Variants in ITSN1 observed in about 807,000 individuals in gnomAD.
The protein encoded by ITSN1 is intersectin-1.
Under a neutral mutation model 239.8 loss-of-function variants are expected in ITSN1, and 58 were observed. The ratio of observed to expected loss-of-function variants is 0.24; its 90% confidence interval spans 0.20 to 0.30. ITSN1 has a LOEUF of 0.30. Ranked by LOEUF, ITSN1 falls within the 10% of genes least tolerant of loss-of-function variation. The probability of loss-of-function intolerance (pLI) is 1.00; values close to 1 mark genes in which losing one functional copy is unlikely to be tolerated. For missense variants in ITSN1, 1,558 were observed against 2,103.3 expected (o/e 0.74, Z 5.07); for synonymous variants, 780 against 770.8 (o/e 1.01, Z -0.20).
At chr21:33,762,665 CATTATT>C in intron 9 of ITSN1, among the ~76,000 whole-genome samples, 2 of 151,390 alleles carry the variant, frequency 1.3e-5, no homozygotes, top group Middle Eastern at 3.4e-3. Context: ...TTTTTTCATT[CATTATT>C]ATTATTATTA....
At chr21:33,749,660 AAAAAG>A (rs1393465416) in intron 5 of ITSN1, among the ~76,000 whole-genome samples, 7 of 151,996 alleles carry the variant, frequency 4.6e-5, no homozygotes, top group African/African-American at 7.3e-5. Flanking sequence ...AAAGAAAAGA[AAAAAG>A]AAAAGAAAAT....
At chr21:33,786,736 A>G (rs1328109713) in intron 16 of ITSN1, among the ~76,000 whole-genome samples, 2 of 152,206 alleles carry the variant, frequency 1.3e-5, no homozygotes, top group Non-Finnish European at 2.9e-5. Flanking sequence ...TCATGTTGAA[A>G]AGTTGAGTCC....
At chr21:33,725,135 T>G (rs2065749678) in intron 4 of ITSN1, among the ~76,000 whole-genome samples, 1 of 37,100 alleles carries the variant, frequency 2.7e-5, no homozygotes, top group African/African-American at 2.5e-4. Flanking sequence ...TTTTTTTTGT[T>G]TTTTTTTTTT....
chr21:33,775,077 C>G lies in ITSN1; in HGVS notation c.1565C>G (p.Ala522Gly), dbSNP rs745620946. The G allele has an allele frequency of 6.2e-7, 1 of 1,613,750 alleles. No homozygotes were observed. Among genetic ancestry groups the G allele is most frequent in the South Asian group, 1.1e-5 (1 of 90,918 alleles). ...STNKSRELRIAEITHLQQQLQ... is the reference protein window; with the variant it reads ...STNKSRELRIGEITHLQQQLQ... ...AACAAATCTAGAGAGTTGAGAATTG[C>G]CGAAATCACCCATCTACAGCAACAA... Residue 522 changes from alanine to glycine, a missense_variant, in exon 14 of 40, where the codon GCC (alanine) becomes GGC (glycine). Around this residue, in one of 2 missense-constraint regions of ITSN1, gnomAD observed 982 missense variants for 1,209.9 expected, o/e 0.81. Coordinates refer to ENST00000381318, the MANE Select transcript of ITSN1 (RefSeq NM_003024.3).
rs76075395 is a variant in ITSN1 at position 33,856,223 on chromosome 21, C to T, written c.3662-513C>T. 1.8e-4 allele frequency among the ~76,000 whole-genome samples: 27 copies of T among 152,344 alleles called. No individual in the cohort carries two copies. In the East Asian group the frequency reaches 4.4e-3, roughly 25 times the overall value. On this transcript the variant is annotated intron_variant, in intron 29 of 39. Coordinates refer to ENST00000381318, the MANE Select transcript of ITSN1 (RefSeq NM_003024.3). The stretch of plus-strand genomic sequence containing the variant: ...GAGTGTTTTGTTTTCACATTATTTT[C>T]GTGTTTCTGATGAAGCAGGAGTGTG...
chr21:33,856,505 A>C (rs955178826), intron 29 of ITSN1, among the ~76,000 whole-genome samples: 1 of 152,170 alleles, frequency 6.6e-6, no homozygotes, highest in Non-Finnish European at 1.5e-5. Flanking sequence ...CCTGAGTATG[A>C]CTTTATCTTA....
chr21:33,865,228 T>TGCCGCACATGCA lies in ITSN1; in HGVS notation c.3972_3983dup (p.His1325_Pro1328dup). ...ATTGGAGACATCCTGAGCGCACAGC[T>TGCCGCACATGCA]GCCGCACATGCAGCCCTACATCCGC... On this transcript the variant is annotated inframe_insertion, in exon 32 of 40. Coordinates refer to ENST00000381318, the MANE Select transcript of ITSN1 (RefSeq NM_003024.3). The surrounding 1 kb of genome is among the most constrained non-coding windows in gnomAD (Gnocchi z 4.4). 6.2e-7 allele frequency: 1 copy of TGCCGCACATGCA among 1,613,704 alleles called. No individual in the cohort carries two copies. Among genetic ancestry groups the TGCCGCACATGCA allele is most frequent in the Non-Finnish European group, 8.5e-7 (1 of 1,179,910 alleles).
chr21:33,718,777 T>C lies in ITSN1; in HGVS notation c.-32-20T>C. On this transcript the variant is annotated intron_variant, in intron 1 of 39. Transcript: ENST00000381318. Reference sequence around the variant, plus strand: ...GGAATTAAGTTTTCATAAACTTAAATGTTGCATTTTCACTTACAGGCGTCG... The same window carrying C: ...GGAATTAAGTTTTCATAAACTTAAACGTTGCATTTTCACTTACAGGCGTCG... 1 of 1,528,164 alleles carries C rather than the reference T, an allele frequency of 6.5e-7. No homozygotes were observed. Among genetic ancestry groups the C allele is most frequent in the Non-Finnish European group, 9.1e-7 (1 of 1,103,654 alleles). 94.7% of individuals were successfully genotyped at this position (1,528,164 alleles called of 1,614,324 possible).
At chr21:33,758,927 C>T (rs1220757367) in intron 8 of ITSN1, among the ~76,000 whole-genome samples, 1 of 152,184 alleles carries the variant, frequency 6.6e-6, no homozygotes, top group Non-Finnish European at 1.5e-5. Flanking sequence ...CAAAGCTCAA[C>T]TGTGTGTTGT....
intron 5 of ITSN1, among the ~76,000 whole-genome samples, chr21:33,745,358 T>C (rs1244046638): frequency 6.6e-6 from 1 of 152,084 alleles, no homozygotes; most frequent in Non-Finnish European, 1.5e-5. Flanking sequence ...GGACTGTGGA[T>C]TAAAGGAAAC....
chr21:33,884,897 C>A, intron 36 of ITSN1, 144 bp from the exon 37 acceptor site: 1 of 643,694 alleles, frequency 1.6e-6, no homozygotes, highest in Non-Finnish European at 2.7e-6. Flanking sequence ...CGTCACGTGA[C>A]ATAAAATCAG....
chr21:33,662,457 G>T (rs1601499935), intron 1 of ITSN1, among the ~76,000 whole-genome samples: 1 of 152,160 alleles, frequency 6.6e-6, no homozygotes, highest in Non-Finnish European at 1.5e-5. Context: ...CTAATTAAAT[G>T]AAACATTTGA....
intron 14 of ITSN1, among the ~76,000 whole-genome samples, chr21:33,779,095 G>A (rs574239110): frequency 8.6e-4 from 128 of 149,096 alleles, no homozygotes; most frequent in African/African-American, 2.8e-3. Context: ...TAAAAAATAA[G>A]TTCTTGGCTC....
At chr21:33,796,454 G>T (rs546481370) in intron 17 of ITSN1, among the ~76,000 whole-genome samples, 1 of 152,090 alleles carries the variant, frequency 6.6e-6, no homozygotes, top group Non-Finnish European at 1.5e-5. Context: ...GTAATTTTTT[G>T]ACAATGGAGA....
chr21:33,850,897 G>C (rs1292236555), intron 29 of ITSN1, among the ~76,000 whole-genome samples: 1 of 152,144 alleles, frequency 6.6e-6, no homozygotes, highest in African/African-American at 2.4e-5. Context: ...TGGCAGGAGA[G>C]ACTTGGTCCA....
At chr21:33,847,356 C>T (rs1475336457) in intron 29 of ITSN1, among the ~76,000 whole-genome samples, 1 of 152,244 alleles carries the variant, frequency 6.6e-6, no homozygotes, top group Admixed American at 6.5e-5. Flanking sequence ...AGGACAAGCA[C>T]AACCTCTCAG....
chr21:33,717,750 G>T (rs1164807070), intron 1 of ITSN1, among the ~76,000 whole-genome samples: 3 of 151,896 alleles, frequency 2.0e-5, no homozygotes, highest in African/African-American at 7.3e-5. Flanking sequence ...TGTGTTTCCA[G>T]TAGAGATGGG....
chr21:33,802,456 C>G lies in ITSN1; in HGVS notation c.2319+12C>G. 2 of 1,610,238 alleles carry G rather than the reference C, an allele frequency of 1.2e-6. No homozygotes were observed. The highest frequency in any genetic ancestry group is 1.7e-6 in the Non-Finnish European group (2 of 1,179,448). On this transcript the variant is annotated intron_variant, in intron 20 of 39. Coordinates refer to ENST00000381318, the MANE Select transcript of ITSN1 (RefSeq NM_003024.3). ...TTAAAGGGGAATGGGTAAGTGTTGCCTAACTGTCAGGAAGTCTGCATCTTA... is the reference window on the plus strand; with the variant it reads ...TTAAAGGGGAATGGGTAAGTGTTGCGTAACTGTCAGGAAGTCTGCATCTTA...
intron 1 of ITSN1, among the ~76,000 whole-genome samples, chr21:33,654,630 G>T (rs917627733): frequency 1.3e-5 from 2 of 152,072 alleles, no homozygotes; most frequent in African/African-American, 4.8e-5. Context: ...TGACCAACCT[G>T]GCCCAATCAG....
Sources: allele counts gnomAD v4.1 joint callset (sites outside exome capture counted in the v4.1 genomes callset), GRCh38; gene constraint gnomAD v4.1.1; regional missense constraint gnomAD v4.1.1; non-coding constraint Gnocchi (gnomAD v3.1); transcripts MANE v1.5; gene names NCBI Gene and HGNC (gene_info 2026-07-23, HGNC 2026-07-21).